Variants in SSRP1 observed in about 807,000 individuals in gnomAD.
SSRP1 encodes the protein structure specific recognition protein 1.
A neutral mutation model predicts 84.4 loss-of-function variants in SSRP1; 21 were observed. The ratio of observed to expected loss-of-function variants is 0.25; its 90% CI spans 0.18 to 0.36. The LOEUF (loss-of-function observed/expected upper bound fraction) is 0.36, where lower values mean the gene tolerates loss of function less well. SSRP1 is among the 10% of genes least tolerant of loss of function. SSRP1 has a pLI of 1.00. For missense variants in SSRP1, 519 were observed against 900.8 expected (o/e 0.58, Z 5.43); for synonymous variants, 319 against 318.3 (o/e 1.00, Z -0.02).
chr11:57,335,159 G>T lies in SSRP1; in HGVS notation c.-38C>A. The T allele has an allele frequency of 6.2e-7, 1 of 1,612,914 alleles. No individual in the cohort carries two copies. The highest frequency in any genetic ancestry group is 1.1e-5 in the South Asian group (1 of 91,030). On this transcript the variant is annotated 5_prime_UTR_variant, in exon 2 of 17. The change creates a new upstream start codon in the 5' untranslated region. Transcript: ENST00000278412. The surrounding 1 kb of genome is among the most constrained non-coding windows in gnomAD (Gnocchi z 4.6). ...CTGTGGTGGCCTGGGCAGAGCCCCA[G>T]GCTGCACAAGGGAAACCAAGTAAAC...
In SSRP1 at chr11:57,332,972, A is replaced by C. The variant is rs1360716967; in HGVS notation, c.524T>G (p.Val175Gly). The change falls in exon 5 of 17, where the codon GTG (valine) becomes GGG (glycine). Residue 175 changes from valine (V) to glycine (G), a missense_variant. Around this residue, in one of 7 missense-constraint regions of SSRP1, gnomAD observed 159 missense variants for 359.0 expected, o/e 0.44. Transcript: ENST00000278412. This position sits in a 1 kb window ranked among gnomAD's most constrained non-coding sequence, Gnocchi z 5.5. ...GGGAAGCCTCACCTCAACAGGGTCC[A>C]CACCATCCTCCTGGGTGGGTGGGAC... The part of the protein sequence containing the change: ...FYVPPTQEDG[V>G]DPVEAFAQNV... 2 of 1,612,306 alleles carry C rather than the reference A, an allele frequency of 1.2e-6. No individual in the cohort carries two copies. The highest frequency in any genetic ancestry group is 1.7e-6 in the Non-Finnish European group (2 of 1,179,018).
rs1856198395 is a variant in SSRP1 at position 57,335,517 on chromosome 11, C to G, written c.-120+213G>C. On this transcript the variant is annotated intron_variant, in intron 1 of 16. Coordinates refer to ENST00000278412, the MANE Select transcript of SSRP1 (RefSeq NM_003146.3). This position sits in a 1 kb window ranked among gnomAD's most constrained non-coding sequence, Gnocchi z 4.6. ...GGAACCCCAGGGTCTGCCAGGAGCC[C>G]GCACATCGCACGCGACCCAATCCAG... The G allele has an allele frequency of 3.4e-6, 1 of 294,238 alleles. No individual in the cohort carries two copies. Among genetic ancestry groups the G allele is most frequent in the East Asian group, 8.0e-5 (1 of 12,558 alleles). The allele number at this position is 294,238 out of a possible 1,614,324, so 18.2% of individuals were successfully genotyped here.
Position 57,334,543 on chromosome 11 carries a change from G to A in SSRP1, c.160C>T (p.Arg54Cys), listed in dbSNP as rs1412294319. The A allele has an allele frequency of 1.2e-6, 2 of 1,614,042 alleles. No homozygotes were observed. Among genetic ancestry groups the A allele is most frequent in the Non-Finnish European group, 1.7e-6 (2 of 1,180,048 alleles). ...AGTCCATGGCCCAGAGCAACACGGC[G>A]CCAGATACCTTCTGTTAACTCCCCA... ...QAGELTEGIW[R>C]RVALGHGLKL... Residue 54 changes from arginine to cysteine, a missense_variant, in exon 3 of 17, where the codon CGC (arginine) becomes TGC (cysteine). Physicochemically the swap from Arg to Cys is radical, Grantham distance 180 (BLOSUM62 -3). Coordinates refer to ENST00000278412, the MANE Select transcript of SSRP1 (RefSeq NM_003146.3).
chr11:57,330,342 T>C lies in SSRP1; in HGVS notation c.1384A>G (p.Ile462Val). 1.2e-6 allele frequency: 2 copies of C among 1,614,216 alleles called. No individual in the cohort carries two copies. The highest frequency in any genetic ancestry group is 2.2e-5 in the East Asian group (1 of 44,886). The stretch of plus-strand genomic sequence containing the variant: ...CTGTCATTGGCATTCTCCTCCCGGA[T>C]CTTGCCTTCCTCCTTCATCCTCTCC... ...YLERMKEEGKIREENANDSSD... is the reference protein window; with the variant it reads ...YLERMKEEGKVREENANDSSD... The change falls in exon 11 of 17, where the codon ATC (isoleucine) becomes GTC (valine). Residue 462 changes from isoleucine (I) to valine (V), a missense_variant. By Grantham distance (29) the Ile-to-Val change is conservative. Around this residue, in one of 7 missense-constraint regions of SSRP1, gnomAD observed 24 missense variants for 68.2 expected, o/e 0.35. Coordinates refer to ENST00000278412, the MANE Select transcript of SSRP1 (RefSeq NM_003146.3). The surrounding 1 kb of genome is among the most constrained non-coding windows in gnomAD (Gnocchi z 4.0).
chr11:57,334,740 G>A, intron 2 of SSRP1, 92 bp from the exon 3 acceptor site: 3 of 1,453,590 alleles, frequency 2.1e-6, no homozygotes, highest in African/African-American at 1.4e-5. Flanking sequence ...TGCTGCAAGT[G>A]GACTGGCCAG....
Position 57,330,762 on chromosome 11 carries a change from GAA to G in SSRP1, c.1296+91_1296+92del. Reference sequence around the variant, plus strand: ...TTTTTCTATAAGGGTAAGAAGAGAAGAAAGAGTGAAAAAGAAGCCGGAAAAAA... The same window carrying G: ...TTTTTCTATAAGGGTAAGAAGAGAAGAGAGTGAAAAAGAAGCCGGAAAAAA... On this transcript the variant is annotated intron_variant, in intron 10 of 16. Coordinates refer to ENST00000278412, the MANE Select transcript of SSRP1 (RefSeq NM_003146.3). The surrounding 1 kb of genome is among the most constrained non-coding windows in gnomAD (Gnocchi z 4.0). The G allele has an allele frequency of 2.5e-6, 4 of 1,598,806 alleles. No individual in the cohort carries two copies. Among genetic ancestry groups the G allele is most frequent in the Non-Finnish European group, 2.6e-6 (3 of 1,171,638 alleles).
chr11:57,329,968 T>C (rs1856057312), intron 12 of SSRP1, 125 bp downstream of exon 12: 1 of 1,166,496 alleles, frequency 8.6e-7, no homozygotes, highest in Non-Finnish European at 1.3e-6. Context: ...ATCACCTCAT[T>C]GGAGGTCACT....
At position 57,332,029 on chromosome 11, in the gene SSRP1, T is replaced by C. The variant is rs1009563786; in HGVS notation, c.1001+123A>G. ...GTTCTGACAGAGGCGCTGGCACCTA[T>C]TGTGACACAAGGTCCCATCCAGGCC... On this transcript the variant is annotated intron_variant, in intron 8 of 16. Transcript: ENST00000278412. This position sits in a 1 kb window ranked among gnomAD's most constrained non-coding sequence, Gnocchi z 5.5. 8 of 1,544,066 alleles carry C rather than the reference T, an allele frequency of 5.2e-6. No individual in the cohort carries two copies. Among genetic ancestry groups the C allele is most frequent in the Admixed American group, 1.8e-5 (1 of 56,364 alleles).
Position 57,330,975 on chromosome 11 carries a change from G to C in SSRP1, c.1224-48C>G. Reference sequence around the variant, plus strand: ...TTACCAGAGAGGTAGTGCCAACACAGGGGCACACTAAACAATGTTCTGATT... The same window carrying C: ...TTACCAGAGAGGTAGTGCCAACACACGGGCACACTAAACAATGTTCTGATT... On this transcript the variant is annotated intron_variant, in intron 9 of 16. Transcript: ENST00000278412. This position sits in a 1 kb window ranked among gnomAD's most constrained non-coding sequence, Gnocchi z 4.0. 1.9e-6 allele frequency: 3 copies of C among 1,588,538 alleles called. No individual in the cohort carries two copies. The highest frequency in any genetic ancestry group is 1.7e-6 in the Non-Finnish European group (2 of 1,156,972).
intron 9 of SSRP1, among the ~76,000 whole-genome samples, 168 bp from the exon 10 acceptor site, chr11:57,331,095 G>A (rs1168524829): frequency 2.0e-5 from 3 of 152,192 alleles, no homozygotes; most frequent in Non-Finnish European, 4.4e-5. Context: ...GTAAGGCAGA[G>A]CCAGAGCCAG....
At chr11:57,334,440 C>T (rs2134393696) in intron 3 of SSRP1, 23 bp downstream of exon 3, 1 of 1,611,538 alleles carries the variant, frequency 6.2e-7, no homozygotes, top group Non-Finnish European at 8.5e-7. Flanking sequence ...AAAAAGGAGG[C>T]TTATAGCCAT....
chr11:57,328,381 G>A lies in SSRP1; in HGVS notation c.1527C>T (p.Asp509=). Residue 509 remains aspartate, a synonymous_variant, in exon 13 of 17, where the codon GAC becomes GAT. Coordinates refer to ENST00000278412, the MANE Select transcript of SSRP1 (RefSeq NM_003146.3). Reference sequence around the variant, plus strand: ...TCCGCTTCTTCTCATCCCGGTCACTGTCACCCTCATTACTGGAGGAGCTGG... The same window carrying A: ...TCCGCTTCTTCTCATCCCGGTCACTATCACCCTCATTACTGGAGGAGCTGG... ...ASASSSSNEG[D]SDRDEKKRKQ... 1.9e-6 allele frequency: 3 copies of A among 1,614,142 alleles called. No individual in the cohort carries two copies. The highest frequency in any genetic ancestry group is 2.5e-6 in the Non-Finnish European group (3 of 1,180,024).
In SSRP1 at chr11:57,334,734, G is replaced by C. The variant is rs371122763; in HGVS notation, c.55-86C>G. 32 of 1,486,998 alleles carry C rather than the reference G, an allele frequency of 2.2e-5. 1 individual carries two copies. The Admixed American group carries it at 2.2e-4, about 10-fold the overall frequency. The allele number at this position is 1,486,998 out of a possible 1,614,324, so 92.1% of individuals were successfully genotyped here. On this transcript the variant is annotated intron_variant, in intron 2 of 16. Coordinates refer to ENST00000278412, the MANE Select transcript of SSRP1 (RefSeq NM_003146.3). ...GCTCTACCTAACACACATTCCTGCTGCAAGTGGACTGGCCAGATTATCAAT... is the reference window on the plus strand; with the variant it reads ...GCTCTACCTAACACACATTCCTGCTCCAAGTGGACTGGCCAGATTATCAAT...
chr11:57,329,974 T>A, intron 12 of SSRP1, 119 bp downstream of exon 12: 1 of 1,230,972 alleles, frequency 8.1e-7, no homozygotes, highest in South Asian at 1.2e-5. Flanking sequence ...TCATTGGAGG[T>A]CACTCTCCCA....
rs1039248139 is a variant in SSRP1 at position 57,335,800 on chromosome 11, G to T, written c.-190C>A. The T allele has an allele frequency of 6.6e-6, 1 of 152,116 alleles. No individual in the cohort carries two copies. 9.4% of individuals were successfully genotyped at this position (152,116 alleles called of 1,614,324 possible). A position where few individuals can be genotyped will look rare whatever the true frequency, so the allele number is the denominator to read the frequency against. ...CGCGCTGGGGGGACGCGGGGGGGGC[G>T]CGGGGAGGGGGATGGGGGGACACCG... On this transcript the variant is annotated 5_prime_UTR_variant, in exon 1 of 17. Coordinates refer to ENST00000278412, the MANE Select transcript of SSRP1 (RefSeq NM_003146.3). The surrounding 1 kb of genome is among the most constrained non-coding windows in gnomAD (Gnocchi z 4.6).
chr11:57,330,149 G>T lies in SSRP1; in HGVS notation c.1436-11C>A. 6.2e-7 allele frequency: 1 copy of T among 1,614,094 alleles called. No individual in the cohort carries two copies. The highest frequency in any genetic ancestry group is 8.5e-7 in the Non-Finnish European group (1 of 1,180,018). On this transcript the variant is annotated splice_polypyrimidine_tract_variant and intron_variant, in intron 11 of 16. Transcript: ENST00000278412. This position sits in a 1 kb window ranked among gnomAD's most constrained non-coding sequence, Gnocchi z 4.0. ...GGTTGAATGACTCATCTGAAAAAGG[G>T]CACAGGATGCATCAGCTTCTGCCCC...
At chr11:57,331,216 AG>A (rs539804260) in intron 9 of SSRP1, among the ~76,000 whole-genome samples, 204 of 152,304 alleles carry the variant, frequency 1.3e-3, no homozygotes, top group Non-Finnish European at 2.5e-3. Context: ...AGTGTGGGGC[AG>A]GGGACGTGGT....
rs746722824 is a variant in SSRP1 at position 57,333,557 on chromosome 11, GA to G, written c.241-18del. On this transcript the variant is annotated intron_variant, in intron 3 of 16. Transcript: ENST00000278412. ...CTCAAACTCCTGTGGGTGGAGGGAA[GA>G]AAGCACAATCCCAGTAAACCTTGGT... 1.9e-6 allele frequency: 3 copies of G among 1,590,242 alleles called. No homozygotes were observed. Among genetic ancestry groups the G allele is most frequent in the Non-Finnish European group, 2.6e-6 (3 of 1,158,742 alleles).
In SSRP1 at chr11:57,332,102, C is replaced by G. The variant is rs367653876; in HGVS notation, c.1001+50G>C. On this transcript the variant is annotated intron_variant, in intron 8 of 16. Coordinates refer to ENST00000278412, the MANE Select transcript of SSRP1 (RefSeq NM_003146.3). The surrounding 1 kb of genome is among the most constrained non-coding windows in gnomAD (Gnocchi z 5.5). ...TCAGGAAGGGTTTACCAAGGAGACA[C>G]GGCATTTCCCATACCCAGGCAGGGC... is the stretch of plus-strand genomic sequence containing the variant. 1 of 1,610,708 alleles carries G rather than the reference C, an allele frequency of 6.2e-7. No homozygotes were observed. Among genetic ancestry groups the G allele is most frequent in the Admixed American group, 1.7e-5 (1 of 59,910 alleles).
Sources: gnomAD v4.1 joint callset for allele counts (sites outside exome capture counted in the v4.1 genomes callset) on GRCh38, gnomAD v4.1.1 for gene constraint, gnomAD v4.1.1 regional missense constraint, Gnocchi (gnomAD v3.1) non-coding constraint, MANE v1.5 for transcripts, NCBI Gene and HGNC (gene_info 2026-07-23, HGNC 2026-07-21) for gene names.